NPAS3: variants seen among roughly 807,000 people sequenced by gnomAD.
NPAS3 encodes the protein neuronal PAS domain protein 3.
NPAS3 carries 14 observed loss-of-function variants against 73.1 expected under a neutral mutation model. That is an observed-to-expected ratio of 0.19 (90% CI 0.13 to 0.30). The LOEUF (loss-of-function observed/expected upper bound fraction) is 0.30, where lower values mean the gene tolerates loss of function less well. NPAS3 is among the 10% of genes least tolerant of loss of function. The pLI is 1.00. For synonymous variants in NPAS3, 620 were observed against 541.5 expected, an observed-to-expected ratio of 1.14 and a Z score of -2.01; for missense variants, 1,096 against 1,250.0, an observed-to-expected ratio of 0.88 and a Z score of 1.86.
intron 3 of NPAS3, among the ~76,000 whole-genome samples, chr14:33,351,877 A>G (rs1211946643): frequency 1.3e-5 from 2 of 152,092 alleles, no homozygotes; most frequent in Non-Finnish European, 2.9e-5. Context: ...GAAGGGAGCA[A>G]TACACACCGG....
At chr14:33,328,104 A>T (rs1037133589) in intron 3 of NPAS3, among the ~76,000 whole-genome samples, 1 of 152,288 alleles carries the variant, frequency 6.6e-6, no homozygotes, top group African/African-American at 2.4e-5. Flanking sequence ...TAATGGGCAT[A>T]AAAAGCTCAT....
chr14:33,210,873 G>C (rs2047005956), intron 2 of NPAS3, among the ~76,000 whole-genome samples: 1 of 152,040 alleles, frequency 6.6e-6, no homozygotes, highest in Admixed American at 6.6e-5. Flanking sequence ...TACACTTATG[G>C]TATACAATGA....
In NPAS3 at chr14:33,667,961, G is replaced by A. The variant is rs941487382; in HGVS notation, c.559-8250G>A. Reference sequence around the variant, plus strand: ...TACATGTACAGGATGTGCAGGTTACGTAGGTAAACGTGTGCCATGGTGGTT... The same window carrying A: ...TACATGTACAGGATGTGCAGGTTACATAGGTAAACGTGTGCCATGGTGGTT... On this transcript the variant is annotated intron_variant, in intron 5 of 11. Coordinates refer to ENST00000356141, the Ensembl canonical transcript of NPAS3. Among the ~76,000 whole-genome samples the A allele has an allele frequency of 4.6e-5, 7 of 151,960 alleles. No individual in the cohort carries two copies. In the East Asian group the frequency reaches 7.7e-4, roughly 17 times the overall value.
At chr14:33,271,868 A>C (rs1047718347) in intron 3 of NPAS3, among the ~76,000 whole-genome samples, 1 of 152,192 alleles carries the variant, frequency 6.6e-6, no homozygotes, top group African/African-American at 2.4e-5. Flanking sequence ...TCTGAAATAA[A>C]GGATGGGCTC....
chr14:33,709,243 T>C (rs909838360), intron 6 of NPAS3, among the ~76,000 whole-genome samples: 10 of 152,222 alleles, frequency 6.6e-5, no homozygotes, highest in African/African-American at 1.4e-4. Flanking sequence ...AAGTCAGTCA[T>C]TGTCCCCTGG....
intron 4 of NPAS3, among the ~76,000 whole-genome samples, chr14:33,429,251 G>T (rs1170426141): frequency 6.6e-6 from 1 of 152,140 alleles, no homozygotes; most frequent in African/African-American, 2.4e-5. Context: ...CCAGGTTCCA[G>T]CAAGCTCATG....
At chr14:32,946,979 C>T (rs1189223742) in intron 1 of NPAS3, among the ~76,000 whole-genome samples, 1 of 152,012 alleles carries the variant, frequency 6.6e-6, no homozygotes, top group African/African-American at 2.4e-5. Context: ...GAGTTGGGTA[C>T]CTAGTGTAAA....
At chr14:33,294,622 T>C (rs890005086) in intron 3 of NPAS3, among the ~76,000 whole-genome samples, 2 of 152,232 alleles carry the variant, frequency 1.3e-5, no homozygotes, top group Admixed American at 1.3e-4. Flanking sequence ...GTGATCAGCA[T>C]GTATTTAATC....
At chr14:33,679,133 C>A (rs2059859178) in intron 6 of NPAS3, among the ~76,000 whole-genome samples, 2 of 152,160 alleles carry the variant, frequency 1.3e-5, no homozygotes, top group Admixed American at 1.3e-4. Context: ...CTCTGCCTTC[C>A]ACATCACTTG....
intron 6 of NPAS3, among the ~76,000 whole-genome samples, chr14:33,694,224 TA>T (rs951592058): frequency 6.6e-6 from 1 of 152,104 alleles, no homozygotes; most frequent in African/African-American, 2.4e-5. Context: ...GCAACTTGAT[TA>T]AAAAAAGTTT....
intron 1 of NPAS3, among the ~76,000 whole-genome samples, chr14:33,033,207 G>A (rs1053112684): frequency 2.0e-5 from 3 of 152,020 alleles, no homozygotes; most frequent in African/African-American, 7.2e-5. Context: ...GCCAGGTGTG[G>A]GTGACTCACA....
At chr14:33,162,229 G>A (rs1373338331) in intron 2 of NPAS3, among the ~76,000 whole-genome samples, 1 of 152,154 alleles carries the variant, frequency 6.6e-6, no homozygotes, top group African/African-American at 2.4e-5. Context: ...ACAAAACAGA[G>A]TCTAGAATAA....
At chr14:33,030,468 C>A (rs1017137044) in intron 1 of NPAS3, among the ~76,000 whole-genome samples, 2 of 152,030 alleles carry the variant, frequency 1.3e-5, no homozygotes, top group South Asian at 2.1e-4. Flanking sequence ...ATTTTATTCC[C>A]CAAAGATTTG....
At chr14:33,722,453 T>A (rs2061141853) in intron 6 of NPAS3, among the ~76,000 whole-genome samples, 2 of 152,212 alleles carry the variant, frequency 1.3e-5, no homozygotes, top group African/African-American at 4.8e-5. Context: ...GGGAAGATTA[T>A]TCATAACCTT....
intron 4 of NPAS3, among the ~76,000 whole-genome samples, chr14:33,545,376 G>A (rs547486401): frequency 9.9e-5 from 15 of 152,204 alleles, no homozygotes; most frequent in Non-Finnish European, 1.6e-4. Context: ...GTCATCATGG[G>A]CACCATTTAT....
chr14:33,599,139 G>A (rs887906186), intron 5 of NPAS3, among the ~76,000 whole-genome samples: 6 of 152,152 alleles, frequency 3.9e-5, no homozygotes, highest in Admixed American at 2.6e-4. Context: ...CCATATTTTT[G>A]CATGTCCGTG....
intron 2 of NPAS3, among the ~76,000 whole-genome samples, chr14:33,079,462 G>T (rs1206182216): frequency 6.6e-6 from 1 of 151,360 alleles, no homozygotes; most frequent in Non-Finnish European, 1.5e-5. Context: ...GGGATCACAG[G>T]TGCACGCCAG....
chr14:33,630,185 A>G (rs2058339466), intron 5 of NPAS3, among the ~76,000 whole-genome samples: 1 of 152,214 alleles, frequency 6.6e-6, no homozygotes, highest in Middle Eastern at 3.2e-3. Context: ...TTTGAGTTTA[A>G]ATACCTTTCA....
chr14:33,498,338 C>G (rs1476289710), intron 4 of NPAS3, among the ~76,000 whole-genome samples: 1 of 152,200 alleles, frequency 6.6e-6, no homozygotes, highest in Non-Finnish European at 1.5e-5. Flanking sequence ...AATCCCATTA[C>G]TGGGTATATA....
Sources: allele counts gnomAD v4.1 joint callset (sites outside exome capture counted in the v4.1 genomes callset), GRCh38; gene constraint gnomAD v4.1.1; transcripts MANE v1.5; gene names NCBI Gene and HGNC (gene_info 2026-07-23, HGNC 2026-07-21).